Variants in EPHA7 observed in about 807,000 individuals in gnomAD.
EPHA7 encodes the protein EPH receptor A7, also known as ephrin type-A receptor 7.
A neutral mutation model predicts 112.6 loss-of-function variants in EPHA7; 25 were observed. The observed-to-expected ratio is 0.22, with a 90% CI of 0.16 to 0.31. The LOEUF is 0.31. Among genes scored for constraint, EPHA7 ranks in the 10% least tolerant of loss-of-function variants. The probability of loss-of-function intolerance (pLI) is 1.00; values close to 1 mark genes in which losing one functional copy is unlikely to be tolerated. For missense variants in EPHA7, 962 were observed against 1,212.6 expected, an observed-to-expected ratio of 0.79 and a Z score of 3.07; for synonymous variants, 437 against 406.5, an observed-to-expected ratio of 1.07 and a Z score of -0.90.
chr6:93,418,906 G>A, intron 1 of EPHA7, among the ~76,000 whole-genome samples: 1 of 152,206 alleles, frequency 6.6e-6, no homozygotes, highest in African/African-American at 2.4e-5. Flanking sequence ...AGAGAGAGAT[G>A]TGACCCGCCT....
chr6:93,314,527 T>C (rs1452740794), intron 5 of EPHA7, among the ~76,000 whole-genome samples: 1 of 152,136 alleles, frequency 6.6e-6, no homozygotes, highest in African/African-American at 2.4e-5. Flanking sequence ...CTACTGACCA[T>C]TTGCAGAGCT....
rs545859226 is a variant in EPHA7, at chr6:93,322,110, C to A, written c.1324+34607G>T. 1.1e-4 allele frequency among the ~76,000 whole-genome samples: 16 copies of A among 151,890 alleles called. No individual in the cohort carries two copies. In the South Asian group the frequency reaches 3.3e-3, roughly 32 times the overall value. ...TAAGCTAAGCACACAGGCTTTCACA[C>A]TGTACAGATGCATACACGCACATAT... is the stretch of plus-strand genomic sequence containing the variant. On this transcript the variant is annotated intron_variant, in intron 5 of 16. Transcript: ENST00000369303.
chr6:93,303,288 C>T (rs1186148951), intron 5 of EPHA7, among the ~76,000 whole-genome samples: 2 of 152,160 alleles, frequency 1.3e-5, no homozygotes, highest in Non-Finnish European at 2.9e-5. Context: ...GCACTTCTCA[C>T]TACATTAAAA....
chr6:93,321,236 G>T (rs1370875089), intron 5 of EPHA7, among the ~76,000 whole-genome samples: 2 of 151,928 alleles, frequency 1.3e-5, no homozygotes, highest in East Asian at 1.9e-4. Context: ...CCTGAGTGTG[G>T]TTCTCAGTAT....
chr6:93,406,390 C>A lies in EPHA7; in HGVS notation c.832+4111G>T, dbSNP rs1017614443. ...AAGAAGCAGTGTTAATTAAAAAAAACAATTATCCCAGGCATATCGGGCATA... is the reference window on the plus strand; with the variant it reads ...AAGAAGCAGTGTTAATTAAAAAAAAAAATTATCCCAGGCATATCGGGCATA... On this transcript the variant is annotated intron_variant, in intron 3 of 16. Coordinates refer to ENST00000369303, the MANE Select transcript of EPHA7 (RefSeq NM_004440.4). Among the ~76,000 whole-genome samples the A allele has an allele frequency of 1.7e-4, 25 of 150,846 alleles. 1 individual carries two copies. The East Asian group carries it at 4.7e-3, about 28-fold the overall frequency.
intron 5 of EPHA7, among the ~76,000 whole-genome samples, chr6:93,329,796 A>G (rs1332733351): frequency 6.6e-6 from 1 of 151,218 alleles, no homozygotes. Flanking sequence ...GAAAGTGAAA[A>G]CAAGACTCTT....
chr6:93,358,269 G>T lies in EPHA7; in HGVS notation c.975C>A (p.Tyr325Ter). Reference sequence around the variant, plus strand: ...AATACAACTCACTTGTGCACGCAACGTATGGTGGGTCAGATGGAGCCCTGT... The same window carrying T: ...AATACAACTCACTTGTGCACGCAACTTATGGTGGGTCAGATGGAGCCCTGT... Reference protein sequence around the residue: ...GYYRAPSDPPYVACTRPPSAP... With the variant: ...GYYRAPSDPP Residue 325 changes from tyrosine (Y) to a stop codon, truncating the protein, a stop_gained, in exon 4 of 17, where the codon TAC (tyrosine) becomes TAA (stop). Coordinates refer to ENST00000369303, the MANE Select transcript of EPHA7 (RefSeq NM_004440.4). LOFTEE classifies it high-confidence loss of function. 3.1e-6 allele frequency: 5 copies of T among 1,610,546 alleles called. No homozygotes were observed. The highest frequency in any genetic ancestry group is 4.2e-6 in the Non-Finnish European group (5 of 1,178,202).
chr6:93,303,345 C>T (rs1582481536), intron 5 of EPHA7, among the ~76,000 whole-genome samples: 1 of 152,090 alleles, frequency 6.6e-6, no homozygotes, highest in South Asian at 2.1e-4. Flanking sequence ...CTCCTTACTT[C>T]TGTGTTTGCC....
chr6:93,407,499 A>G (rs1240612697), intron 3 of EPHA7, among the ~76,000 whole-genome samples: 4 of 152,072 alleles, frequency 2.6e-5, no homozygotes, highest in African/African-American at 7.2e-5. Context: ...GTTAAGTAGA[A>G]GGTATTTAAT....
chr6:93,288,028 T>A (rs1004458620), intron 5 of EPHA7, among the ~76,000 whole-genome samples: 5 of 152,184 alleles, frequency 3.3e-5, no homozygotes, highest in African/African-American at 4.8e-5. Flanking sequence ...CAGTTTTTTT[T>A]AAAGAGTTAA....
At chr6:93,264,965 T>C (rs1441065408) in intron 7 of EPHA7, among the ~76,000 whole-genome samples, 16 of 151,686 alleles carry the variant, frequency 1.1e-4, no homozygotes, top group Non-Finnish European at 4.4e-5. Flanking sequence ...TGCTTAGTTG[T>C]TGAAAGCTTA....
rs142798441 is a variant in EPHA7, at chr6:93,312,049, T to C, written c.1325-39627A>G. On this transcript the variant is annotated intron_variant, in intron 5 of 16. Transcript: ENST00000369303. The stretch of plus-strand genomic sequence containing the variant: ...CATATGTGCTGTTATCAAGGCTTCA[T>C]TGATACACTAATAGAACACAGACAG... Among the ~76,000 whole-genome samples, 1,224 of 152,284 alleles carry C rather than the reference T, an allele frequency of 8.0e-3. 15 individuals are homozygous for C. Among genetic ancestry groups the C allele is most frequent in the African/African-American group, 0.027 (1,110 of 41,552 alleles).
At chr6:93,272,854 A>G (rs1437539458) in intron 5 of EPHA7, among the ~76,000 whole-genome samples, 3 of 152,006 alleles carry the variant, frequency 2.0e-5, no homozygotes, top group Admixed American at 1.3e-4. Context: ...TGAAATGGCT[A>G]CTTTGATCTT....
intron 3 of EPHA7, among the ~76,000 whole-genome samples, chr6:93,383,913 C>T (rs543087450): frequency 3.3e-5 from 5 of 152,142 alleles, no homozygotes; most frequent in Admixed American, 3.3e-4. Flanking sequence ...ATCTCAAACT[C>T]CTAGCTTCAA....
At chr6:93,340,844 A>G (rs1419277067) in intron 5 of EPHA7, among the ~76,000 whole-genome samples, 1 of 151,842 alleles carries the variant, frequency 6.6e-6, no homozygotes, top group Admixed American at 6.6e-5. Flanking sequence ...CATTGAGAGA[A>G]AAAAAAACAA....
intron 5 of EPHA7, among the ~76,000 whole-genome samples, chr6:93,291,784 A>C (rs1383292182): frequency 1.3e-5 from 2 of 150,728 alleles, no homozygotes; most frequent in African/African-American, 2.4e-5. Context: ...AAAAAAAAAA[A>C]AAATACTTTT....
At chr6:93,253,097 A>G (rs2127853275) in intron 14 of EPHA7, among the ~76,000 whole-genome samples, 1 of 152,104 alleles carries the variant, frequency 6.6e-6, no homozygotes, top group Middle Eastern at 3.4e-3. Flanking sequence ...TACAGAAGGA[A>G]GGTGTCAAAA....
At chr6:93,364,591 A>C (rs1443927506) in intron 3 of EPHA7, among the ~76,000 whole-genome samples, 1 of 151,918 alleles carries the variant, frequency 6.6e-6, no homozygotes, top group Non-Finnish European at 1.5e-5. Flanking sequence ...TGAACACTTA[A>C]ACAGGCAAAC....
In EPHA7 at chr6:93,254,627, T is replaced by C; in HGVS notation, c.2532+20A>G. The C allele has an allele frequency of 2.5e-6, 4 of 1,606,254 alleles. No homozygotes were observed. The highest frequency in any genetic ancestry group is 3.4e-6 in the Non-Finnish European group (4 of 1,174,922). On this transcript the variant is annotated intron_variant, in intron 14 of 16. Coordinates refer to ENST00000369303, the MANE Select transcript of EPHA7 (RefSeq NM_004440.4). ...ATTAATGTATTCAATCCTTTTTGTT[T>C]AAATGAATGTAACACCTACATCTTG...
Sources: gnomAD v4.1 joint callset for allele counts (sites outside exome capture counted in the v4.1 genomes callset) on GRCh38, gnomAD v4.1.1 for gene constraint, MANE v1.5 for transcripts, NCBI Gene and HGNC (gene_info 2026-07-23, HGNC 2026-07-21) for gene names.